The following MECOM variants were observed in gnomAD, a reference collection of about 807,000 sequenced individuals.
MECOM encodes the protein MDS1 and EVI1 complex locus, also known as histone-lysine N-methyltransferase MECOM.
MECOM carries 13 observed loss-of-function variants against 116.3 expected under a neutral mutation model. That is an observed-to-expected ratio of 0.11 (90% CI 0.07 to 0.18). MECOM has a LOEUF of 0.18. MECOM is among the 10% of genes least tolerant of loss of function. The pLI is 1.00. For missense variants in MECOM, 1,299 were observed against 1,509.0 expected, an observed-to-expected ratio of 0.86 and a Z score of 2.31; for synonymous variants, 528 against 535.2, an observed-to-expected ratio of 0.99 and a Z score of 0.19.
At chr3:169,348,909 A>G (rs1431072583) in intron 2 of MECOM, among the ~76,000 whole-genome samples, 1 of 151,754 alleles carries the variant, frequency 6.6e-6, no homozygotes, top group Non-Finnish European at 1.5e-5. Flanking sequence ...GGGTACTTTT[A>G]TTTTTCAAAT....
intron 2 of MECOM, chr3:169,146,380 T>C: frequency 4.3e-6 from 6 of 1,387,074 alleles, no homozygotes; most frequent in Non-Finnish European, 5.8e-6. Context: ...CCGCACCTTG[T>C]GCGTCCCCGA....
At chr3:169,258,312 G>A (rs1455444193) in intron 2 of MECOM, among the ~76,000 whole-genome samples, 1 of 152,108 alleles carries the variant, frequency 6.6e-6, no homozygotes, top group Non-Finnish European at 1.5e-5. Context: ...AGAAAGATCT[G>A]GAAAACCAGA....
intron 1 of MECOM, among the ~76,000 whole-genome samples, chr3:169,410,186 A>G (rs943536549): frequency 2.6e-5 from 4 of 152,240 alleles, no homozygotes; most frequent in African/African-American, 9.6e-5. Context: ...TGGCCATCAG[A>G]AAAACAGTTG....
At chr3:169,605,667 G>A (rs937993807) in intron 1 of MECOM, among the ~76,000 whole-genome samples, 1 of 152,216 alleles carries the variant, frequency 6.6e-6, no homozygotes, top group Non-Finnish European at 1.5e-5. Flanking sequence ...TGAGGATGCA[G>A]TACCACTAAG....
intron 2 of MECOM, among the ~76,000 whole-genome samples, chr3:169,262,594 TTCTTCTCCATTATTC>T (rs1361341173): frequency 6.6e-6 from 1 of 152,152 alleles, no homozygotes; most frequent in African/African-American, 2.4e-5. Flanking sequence ...GAGTCTGTGA[TTCTTCTCCATTATTC>T]TCTTCTCCTC....
intron 1 of MECOM, among the ~76,000 whole-genome samples, chr3:169,509,461 G>T (rs1002383975): frequency 6.6e-6 from 1 of 152,058 alleles, no homozygotes; most frequent in African/African-American, 2.4e-5. Context: ...GCTTTTTAAT[G>T]ATCCCAAACT....
At chr3:169,529,255 C>CCAGGCCCGCACA (rs6148187) in intron 1 of MECOM, among the ~76,000 whole-genome samples, 6 of 151,756 alleles carry the variant, frequency 4.0e-5, no homozygotes, top group Non-Finnish European at 1.5e-5. Flanking sequence ...AGAACTCCTA[C>CCAGGCCCGCACA]CAGCTGTGCA....
intron 1 of MECOM, among the ~76,000 whole-genome samples, chr3:169,593,945 C>T (rs551319584): frequency 2.0e-5 from 3 of 152,110 alleles, no homozygotes; most frequent in Admixed American, 6.5e-5. Context: ...ATAGTGAAAC[C>T]TTGTCTCTAC....
chr3:169,576,842 G>GAA (rs1764572465), intron 1 of MECOM, among the ~76,000 whole-genome samples: 1 of 147,528 alleles, frequency 6.8e-6, no homozygotes, highest in African/African-American at 2.5e-5. Context: ...CACACACAGA[G>GAA]AGAGAGAGAG....
chr3:169,287,278 A>G (rs550713900), intron 2 of MECOM, among the ~76,000 whole-genome samples: 1 of 152,178 alleles, frequency 6.6e-6, no homozygotes, highest in Admixed American at 6.5e-5. Flanking sequence ...TCTGCTCCCT[A>G]TCTCACCATT....
intron 2 of MECOM, among the ~76,000 whole-genome samples, chr3:169,173,854 T>G (rs1402720504): frequency 6.6e-6 from 1 of 152,210 alleles, no homozygotes; most frequent in Non-Finnish European, 1.5e-5. Flanking sequence ...CACAGGACAT[T>G]TAAGGCACTC....
chr3:169,614,261 A>G (rs558189283), intron 1 of MECOM, among the ~76,000 whole-genome samples: 1 of 151,956 alleles, frequency 6.6e-6, no homozygotes, highest in East Asian at 1.9e-4. Flanking sequence ...ACAAAATACT[A>G]GATCACTGAG....
intron 1 of MECOM, among the ~76,000 whole-genome samples, chr3:169,484,649 G>T (rs564890716): frequency 2.6e-5 from 4 of 152,114 alleles, no homozygotes; most frequent in Admixed American, 2.6e-4. Context: ...AAGTTTTCAG[G>T]GATTGAGACA....
At chr3:169,513,452 G>A (rs1756235011) in intron 1 of MECOM, among the ~76,000 whole-genome samples, 1 of 152,190 alleles carries the variant, frequency 6.6e-6, no homozygotes, top group Non-Finnish European at 1.5e-5. Context: ...AGTTCAGAAG[G>A]CAATAGTTAC....
At chr3:169,619,897 T>C (rs1489625961) in intron 1 of MECOM, among the ~76,000 whole-genome samples, 1 of 152,206 alleles carries the variant, frequency 6.6e-6, no homozygotes, top group Non-Finnish European at 1.5e-5. Flanking sequence ...AGGGCCAAAA[T>C]GAAAAACAGC....
chr3:169,343,195 C>A (rs1001387386), intron 2 of MECOM, among the ~76,000 whole-genome samples: 1 of 152,084 alleles, frequency 6.6e-6, no homozygotes, highest in Admixed American at 6.6e-5. Flanking sequence ...GATGACAATG[C>A]GTAATAGCCT....
At chr3:169,598,745 C>A (rs1046172360) in intron 1 of MECOM, among the ~76,000 whole-genome samples, 2 of 152,020 alleles carry the variant, frequency 1.3e-5, no homozygotes, top group Admixed American at 6.6e-5. Flanking sequence ...TATCTGTTGA[C>A]GTTATTATCA....
At chr3:169,108,072 T>C (rs752112902) in intron 9 of MECOM, 120 bp from the exon 10 acceptor site, 4 of 715,446 alleles carry the variant, frequency 5.6e-6, no homozygotes, top group South Asian at 1.9e-5. Flanking sequence ...ATCATGTAAC[T>C]GTACCTTGAG....
intron 1 of MECOM, among the ~76,000 whole-genome samples, chr3:169,492,237 A>G (rs746345429): frequency 9.8e-5 from 15 of 152,346 alleles, no homozygotes; most frequent in Non-Finnish European, 1.9e-4. Context: ...TTCGTGGGGT[A>G]AGAAAGAATT....
Sources: gnomAD v4.1 joint callset for allele counts (sites outside exome capture counted in the v4.1 genomes callset) on GRCh38, gnomAD v4.1.1 for gene constraint, MANE v1.5 for transcripts, NCBI Gene and HGNC (gene_info 2026-07-23, HGNC 2026-07-21) for gene names.